Variants in PTPRT observed in about 807,000 individuals in gnomAD.
The protein encoded by PTPRT is receptor-type tyrosine-protein phosphatase T.
A neutral mutation model predicts 176.8 loss-of-function variants in PTPRT; 56 were observed. The observed-to-expected ratio is 0.32, with a 90% CI of 0.26 to 0.40. The LOEUF is 0.40. PTPRT is among the 10% of genes least tolerant of loss of function. PTPRT has a pLI of 1.00. For missense variants in PTPRT, 1,540 were observed against 1,908.2 expected, an observed-to-expected ratio of 0.81 and a Z score of 3.60; for synonymous variants, 783 against 739.0, an observed-to-expected ratio of 1.06 and a Z score of -0.96.
In PTPRT at chr20:42,475,963, G is replaced by A. The variant is rs1228586337; in HGVS notation, c.1154-3401C>T. On this transcript the variant is annotated intron_variant, in intron 7 of 30. Transcript: ENST00000373187. ...ACTGTCACGGCGGGCCCCGGGTACA[G>A]TGCTGCTGACTAGAGCGTGGCTTGA... is the stretch of plus-strand genomic sequence containing the variant. Among the ~76,000 whole-genome samples, 3 of 152,198 alleles carry A rather than the reference G, an allele frequency of 2.0e-5. No homozygotes were observed. In the East Asian group the frequency reaches 5.8e-4, roughly 29 times the overall value.
chr20:43,059,888 A>C (rs1987384292), intron 1 of PTPRT, among the ~76,000 whole-genome samples: 2 of 152,160 alleles, frequency 1.3e-5, no homozygotes, highest in Non-Finnish European at 2.9e-5. Flanking sequence ...CTGAGTCATG[A>C]GAACTGCTTG....
chr20:42,793,837 G>A (rs1355540016), intron 2 of PTPRT, among the ~76,000 whole-genome samples: 1 of 152,090 alleles, frequency 6.6e-6, no homozygotes, highest in Non-Finnish European at 1.5e-5. Context: ...CAACTCACAA[G>A]CCCCACAAAG....
chr20:43,070,815 G>T (rs2011169884), intron 1 of PTPRT, among the ~76,000 whole-genome samples: 1 of 151,828 alleles, frequency 6.6e-6, no homozygotes, highest in South Asian at 2.1e-4. Flanking sequence ...TCACACACTG[G>T]GGCCTGTTGT....
chr20:42,432,210 C>T (rs1363366570), intron 9 of PTPRT, among the ~76,000 whole-genome samples: 2 of 152,194 alleles, frequency 1.3e-5, no homozygotes, highest in South Asian at 4.1e-4. Context: ...ACTTGATACC[C>T]AGGAGCCTAT....
intron 1 of PTPRT, among the ~76,000 whole-genome samples, chr20:42,938,197 T>C (rs1438724413): frequency 2.0e-5 from 3 of 152,146 alleles, no homozygotes; most frequent in Admixed American, 2.0e-4. Flanking sequence ...AGGGGGAAGG[T>C]TGGGTAGCTC....
chr20:43,059,140 C>G (rs1270396711), intron 1 of PTPRT, among the ~76,000 whole-genome samples: 1 of 152,228 alleles, frequency 6.6e-6, no homozygotes, highest in Non-Finnish European at 1.5e-5. Flanking sequence ...CATTCTTCCA[C>G]TGTCTTGGAG....
At chr20:43,062,665 T>C (rs1449114103) in intron 1 of PTPRT, among the ~76,000 whole-genome samples, 2 of 152,210 alleles carry the variant, frequency 1.3e-5, no homozygotes, top group Non-Finnish European at 2.9e-5. Flanking sequence ...GATGAAAGAA[T>C]TCATGTTTAT....
At position 42,185,182 on chromosome 20, in the gene PTPRT, A is replaced by G. The variant is rs539568407; in HGVS notation, c.2491+14058T>C. On this transcript the variant is annotated intron_variant, in intron 16 of 30. Coordinates refer to ENST00000373187, the MANE Select transcript of PTPRT (RefSeq NM_007050.6). ...TAAACCCATGTAACAGGTGCCCATCATCTCCCAGAACCTCCTCAGAATACT... is the reference window on the plus strand; with the variant it reads ...TAAACCCATGTAACAGGTGCCCATCGTCTCCCAGAACCTCCTCAGAATACT... Among the ~76,000 whole-genome samples, 7 of 152,288 alleles carry G rather than the reference A, an allele frequency of 4.6e-5. No homozygotes were observed. The South Asian group carries it at 1.2e-3, about 27-fold the overall frequency.
At chr20:42,660,923 C>T (rs1266208871) in intron 7 of PTPRT, among the ~76,000 whole-genome samples, 1 of 152,152 alleles carries the variant, frequency 6.6e-6, no homozygotes, top group Non-Finnish European at 1.5e-5. Context: ...ATGATGTCGG[C>T]TCACTGCAAC....
intron 1 of PTPRT, among the ~76,000 whole-genome samples, chr20:43,050,867 C>T (rs1323209848): frequency 6.6e-6 from 1 of 152,218 alleles, no homozygotes; most frequent in African/African-American, 2.4e-5. Context: ...CTTGACCAAT[C>T]AAAGCATATC....
intron 1 of PTPRT, among the ~76,000 whole-genome samples, chr20:43,116,148 T>G (rs1175569360): frequency 1.3e-5 from 2 of 152,196 alleles, no homozygotes; most frequent in Non-Finnish European, 2.9e-5. Context: ...AATCACTTTT[T>G]CATGTAATAA....
At chr20:43,123,497 C>G (rs1380552083) in intron 1 of PTPRT, among the ~76,000 whole-genome samples, 1 of 152,134 alleles carries the variant, frequency 6.6e-6, no homozygotes, top group Non-Finnish European at 1.5e-5. Context: ...AGAGAACACG[C>G]CCTTTTCTAT....
intron 8 of PTPRT, among the ~76,000 whole-genome samples, chr20:42,460,109 G>C (rs1734457908): frequency 6.6e-6 from 1 of 152,232 alleles, no homozygotes; most frequent in African/African-American, 2.4e-5. Context: ...GGGCTGATTA[G>C]CAATCTAGGT....
At chr20:43,144,757 A>G (rs1019911322) in intron 1 of PTPRT, among the ~76,000 whole-genome samples, 1 of 152,122 alleles carries the variant, frequency 6.6e-6, no homozygotes, top group African/African-American at 2.4e-5. Context: ...ATGATTGCAC[A>G]ACTCTGAATA....
At chr20:42,643,563 C>A (rs1350900416) in intron 7 of PTPRT, among the ~76,000 whole-genome samples, 1 of 151,272 alleles carries the variant, frequency 6.6e-6, no homozygotes. Context: ...GCAATCCTCC[C>A]AACTTGGCCT....
chr20:42,206,732 G>C (rs1025856444), intron 15 of PTPRT, among the ~76,000 whole-genome samples: 17 of 152,268 alleles, frequency 1.1e-4, no homozygotes, highest in African/African-American at 3.6e-4. Flanking sequence ...GCCCAGGCTT[G>C]CTTAGATAAA....
chr20:42,168,763 G>A (rs1989945604), intron 16 of PTPRT, among the ~76,000 whole-genome samples: 1 of 152,196 alleles, frequency 6.6e-6, no homozygotes, highest in Non-Finnish European at 1.5e-5. Flanking sequence ...GTGCTTAGGA[G>A]TCATGTTGTA....
rs1242927191 is a variant in PTPRT at position 42,085,813 on chromosome 20, T to C, written c.3887A>G (p.Tyr1296Cys). ...QYWPEKTSGC[Y>C]GPIQVEFVSA... ...GACGAACTCCACCTGGATGGGCCCA[T>C]AGCACCCGGAGGTCTTCTCAGGCCA... Residue 1296 changes from tyrosine (Y) to cysteine (C), a missense_variant, in exon 28 of 31, where the codon TAT becomes TGT. This residue lies in a region of PTPRT where 342 missense variants were observed against 394.0 expected (regional missense o/e 0.87). Transcript: ENST00000373187. 1 of 1,610,352 alleles carries C rather than the reference T, an allele frequency of 6.2e-7. No individual in the cohort carries two copies. Among genetic ancestry groups the C allele is most frequent in the African/African-American group, 1.3e-5 (1 of 74,852 alleles).
chr20:42,184,378 A>C (rs552786186), intron 16 of PTPRT, among the ~76,000 whole-genome samples: 21 of 152,176 alleles, frequency 1.4e-4, no homozygotes, highest in African/African-American at 4.8e-4. Context: ...ATCACCTTGA[A>C]GTACCTTAAG....
Sources: gnomAD v4.1 joint callset for allele counts (sites outside exome capture counted in the v4.1 genomes callset) on GRCh38, gnomAD v4.1.1 for gene constraint, gnomAD v4.1.1 regional missense constraint, MANE v1.5 for transcripts, NCBI Gene and HGNC (gene_info 2026-07-23, HGNC 2026-07-21) for gene names.